The following STX17 variants were observed in gnomAD, a reference collection of about 807,000 sequenced individuals.
The protein encoded by STX17 is syntaxin 17, also known as syntaxin-17.
STX17 carries 29 observed loss-of-function variants against 35.9 expected under a neutral mutation model. The ratio of observed to expected loss-of-function variants is 0.81; its 90% CI spans 0.60 to 1.10. STX17 has a LOEUF of 1.10. Ranked by LOEUF, STX17 falls within the 50% of genes least tolerant of loss-of-function variation. The pLI is 0.00. For synonymous variants in STX17, 92 were observed against 118.3 expected (o/e 0.78, Z 1.44); for missense variants, 312 against 352.3 (o/e 0.89, Z 0.92).
intron 3 of STX17, among the ~76,000 whole-genome samples, chr9:99,940,569 C>A (rs186162892): frequency 2.6e-5 from 4 of 151,324 alleles, no homozygotes; most frequent in African/African-American, 7.3e-5. Context: ...ACCTCCACCC[C>A]CCGGCTTCAA....
chr9:99,951,066 C>T lies in STX17; in HGVS notation c.196C>T (p.Arg66Ter), dbSNP rs769679679. 1.1e-5 allele frequency: 18 copies of T among 1,606,422 alleles called. No homozygotes were observed. Among genetic ancestry groups the T allele is most frequent in the African/African-American group, 2.7e-5 (2 of 74,492 alleles). ...INAGRTVQQL[R>*]SNIREIEKLC... ...TGATTTTTTTCTTTTATAGCAACTC[C>T]GATCCAATATCCGAGAAATTGAGAA... The change falls in exon 4 of 8, where the codon CGA (arginine) becomes TGA (stop). Residue 66 changes from arginine (R) to a stop codon, truncating the protein, a stop_gained. Coordinates refer to ENST00000259400, the MANE Select transcript of STX17 (RefSeq NM_017919.3). LOFTEE classifies it high-confidence loss of function.
intron 7 of STX17, 70 bp downstream of exon 7, chr9:99,967,809 T>C (rs751991734): frequency 8.4e-6 from 11 of 1,312,276 alleles, no homozygotes; most frequent in Non-Finnish European, 1.2e-5. Flanking sequence ...TTAACCCAAT[T>C]GATCTGCTCT....
chr9:99,920,019 C>T (rs1367375234), intron 2 of STX17, among the ~76,000 whole-genome samples: 1 of 152,114 alleles, frequency 6.6e-6, no homozygotes, highest in Non-Finnish European at 1.5e-5. Context: ...TGAATATCTG[C>T]TTTGATCTTT....
rs541445908 is a variant in STX17 at position 99,957,663 on chromosome 9, T to G, written c.416-2254T>G. ...TTTTATGTTATTGTTTTTGTTTTTT[T>G]TTTTTTTTTGAGACAGGGTCTCGCT... is the stretch of plus-strand genomic sequence containing the variant. On this transcript the variant is annotated intron_variant, in intron 4 of 7. Transcript: ENST00000259400. Among the ~76,000 whole-genome samples the G allele has an allele frequency of 1.8e-3, 265 of 151,360 alleles. 2 individuals carry two copies. The highest frequency in any genetic ancestry group is 3.4e-3 in the Middle Eastern group (1 of 294).
intron 4 of STX17, among the ~76,000 whole-genome samples, chr9:99,955,717 A>G (rs1189716307): frequency 1.3e-5 from 2 of 152,096 alleles, no homozygotes; most frequent in Admixed American, 1.3e-4. Context: ...TAAACCAACA[A>G]TAAGGTTTTA....
At chr9:99,959,398 T>A (rs943033212) in intron 4 of STX17, among the ~76,000 whole-genome samples, 12 of 149,730 alleles carry the variant, frequency 8.0e-5, no homozygotes, top group Admixed American at 2.7e-4. Context: ...AAAAAAAAAA[T>A]TTTAGAAAAA....
At chr9:99,958,450 TAGC>T (rs1829757531) in intron 4 of STX17, among the ~76,000 whole-genome samples, 2 of 152,252 alleles carry the variant, frequency 1.3e-5, no homozygotes, top group African/African-American at 4.8e-5. Context: ...CTGTTAACAA[TAGC>T]AGCAGCAGTA....
chr9:99,956,012 A>G (rs1171510120), intron 4 of STX17, among the ~76,000 whole-genome samples: 3 of 152,144 alleles, frequency 2.0e-5, no homozygotes, highest in Non-Finnish European at 4.4e-5. Context: ...GAATAAATGA[A>G]TTATGGAAGT....
intron 6 of STX17, among the ~76,000 whole-genome samples, chr9:99,960,508 G>A (rs1383083192): frequency 2.0e-5 from 3 of 151,756 alleles, no homozygotes; most frequent in Non-Finnish European, 4.4e-5. Context: ...CAGTGGCACA[G>A]TCTTGGCTCA....
At position 99,969,528 on chromosome 9, in the gene STX17, A is replaced by G. The variant is rs542028493; in HGVS notation, c.*855A>G. The stretch of plus-strand genomic sequence containing the variant: ...CTGTCATCTCTGTTCATCCCTTCCT[A>G]TAACCTCTAGGTAAAAAGAAAAGAA... On this transcript the variant is annotated 3_prime_UTR_variant, in exon 8 of 8. Coordinates refer to ENST00000259400, the MANE Select transcript of STX17 (RefSeq NM_017919.3). The G allele has an allele frequency of 3.5e-4, 54 of 152,210 alleles. No homozygotes were observed. Among genetic ancestry groups the G allele is most frequent in the African/African-American group, 1.3e-3 (53 of 41,502 alleles). The allele number at this position is 152,210 out of a possible 1,614,324, so 9.4% of individuals were successfully genotyped here. A position where few individuals can be genotyped will look rare whatever the true frequency, so the allele number is the denominator to read the frequency against.
At position 99,967,647 on chromosome 9, in the gene STX17, A is replaced by G. The variant is rs1375689265; in HGVS notation, c.583-6A>G. On this transcript the variant is annotated splice_region_variant and splice_polypyrimidine_tract_variant and intron_variant, in intron 6 of 7. Transcript: ENST00000259400. ...GACCGCTCACTCATAATTCCTTTGCATCTAGTCTCAGCAGGAGAAGATTGA... is the reference window on the plus strand; with the variant it reads ...GACCGCTCACTCATAATTCCTTTGCGTCTAGTCTCAGCAGGAGAAGATTGA... 3 of 1,613,452 alleles carry G rather than the reference A, an allele frequency of 1.9e-6. No individual in the cohort carries two copies. Among genetic ancestry groups the G allele is most frequent in the East Asian group, 2.2e-5 (1 of 44,856 alleles).
In STX17 at chr9:99,951,284, T is replaced by C; in HGVS notation, c.414T>C (p.Gly138=). The C allele has an allele frequency of 6.2e-7, 1 of 1,612,258 alleles. No individual in the cohort carries two copies. Among genetic ancestry groups the C allele is most frequent in the Admixed American group, 1.7e-5 (1 of 59,906 alleles). ...CTTTGACCAGATCCATGACTGTTGG[T>C]GGTAATGTATTGTGCTAAGTCTTAT... is the stretch of plus-strand genomic sequence containing the variant. ...QPPLTRSMTV[G]GAFHTTEAEA... The change falls in exon 4 of 8, where the codon GGT becomes GGC. Residue 138 remains glycine, a splice_region_variant and synonymous_variant. Transcript: ENST00000259400.
Position 99,915,210 on chromosome 9 carries a change from AC to A in STX17, c.-28del. 6.3e-7 allele frequency: 1 copy of A among 1,599,032 alleles called. No individual in the cohort carries two copies. The highest frequency in any genetic ancestry group is 1.1e-5 in the South Asian group (1 of 87,912). On this transcript the variant is annotated 5_prime_UTR_variant, in exon 2 of 8. It removes the in-frame stop codon of an upstream open reading frame in the 5' UTR. Transcript: ENST00000259400. ...TATATGAGTGGAGAAGACAGCTGTT[AC>A]CAGGGAGGTCATACAACATTTTTTT... is the stretch of plus-strand genomic sequence containing the variant.
In STX17 at chr9:99,915,313, T is replaced by C; in HGVS notation, c.74T>C (p.Ile25Thr). The C allele has an allele frequency of 6.2e-7, 1 of 1,612,812 alleles. No homozygotes were observed. Among genetic ancestry groups the C allele is most frequent in the South Asian group, 1.1e-5 (1 of 90,872 alleles). ...PAIQKFIKIV[I>T]PTDLERLRKH... ...ATCCAGAAATTCATTAAGATAGTAA[T>C]CCCAACAGACCTGGAAAGGTTAAGA... Residue 25 changes from isoleucine to threonine, a missense_variant, in exon 2 of 8, where the codon ATC becomes ACC. Coordinates refer to ENST00000259400, the MANE Select transcript of STX17 (RefSeq NM_017919.3).
At chr9:99,946,751 T>C (rs929588323) in intron 3 of STX17, among the ~76,000 whole-genome samples, 5 of 152,190 alleles carry the variant, frequency 3.3e-5, no homozygotes, top group African/African-American at 1.2e-4. Context: ...TTTTGCAGCA[T>C]ATAGAACTTT....
chr9:99,941,000 T>A (rs754961801), intron 3 of STX17, among the ~76,000 whole-genome samples: 2 of 152,264 alleles, frequency 1.3e-5, no homozygotes, highest in Admixed American at 6.5e-5. Flanking sequence ...CACTATTTTA[T>A]GCTTGTATGT....
intron 7 of STX17, 59 bp downstream of exon 7, chr9:99,967,798 A>G: frequency 2.1e-6 from 3 of 1,432,168 alleles, no homozygotes; most frequent in Non-Finnish European, 3.0e-6. Context: ...AATCTCTAGT[A>G]TTAACCCAAT....
At chr9:99,928,705 G>C in intron 2 of STX17, 73 bp from the exon 3 acceptor site, 1 of 1,348,188 alleles carries the variant, frequency 7.4e-7, no homozygotes, top group Non-Finnish European at 1.1e-6. Flanking sequence ...GGGTGAGTGG[G>C]GATTTTTGTG....
chr9:99,939,256 G>C (rs1355481757), intron 3 of STX17, among the ~76,000 whole-genome samples: 2 of 152,118 alleles, frequency 1.3e-5, no homozygotes, highest in Non-Finnish European at 2.9e-5. Flanking sequence ...GATAGAGAAT[G>C]GAAAAGAAGA....
Sources: allele counts gnomAD v4.1 joint callset (sites outside exome capture counted in the v4.1 genomes callset), GRCh38; gene constraint gnomAD v4.1.1; transcripts MANE v1.5; gene names NCBI Gene and HGNC (gene_info 2026-07-23, HGNC 2026-07-21).